The following ADK variants were observed in gnomAD, a reference collection of about 807,000 sequenced individuals.
ADK encodes the protein adenosine kinase, also known as N6,N6-dimethyladenosine kinase.
In ADK, 24 loss-of-function variants were observed where a neutral mutation model predicts 44.7. That is an observed-to-expected ratio of 0.54 (90% CI 0.39 to 0.76). ADK has a LOEUF of 0.76. Among genes scored for constraint, ADK ranks in the 30% least tolerant of loss-of-function variants. ADK has a pLI of 0.00. For synonymous variants in ADK, 128 were observed against 142.6 expected (o/e 0.90, Z 0.73); for missense variants, 321 against 425.1 (o/e 0.76, Z 2.15).
intron 6 of ADK, among the ~76,000 whole-genome samples, chr10:74,497,099 G>A (rs574423113): frequency 4.6e-5 from 7 of 152,016 alleles, no homozygotes; most frequent in Admixed American, 3.3e-4. Context: ...AGGGACTACG[G>A]GCGCCACCTT....
chr10:74,364,687 GGTGTGT>G (rs58295310), intron 4 of ADK, among the ~76,000 whole-genome samples: 4,454 of 136,364 alleles, frequency 0.033, 137 homozygotes, highest in African/African-American at 0.079. Flanking sequence ...CAAAGGCTAT[GGTGTGT>G]GTGTGTGTGT....
At chr10:74,356,599 GA>G (rs1842155244) in intron 4 of ADK, among the ~76,000 whole-genome samples, 1 of 152,070 alleles carries the variant, frequency 6.6e-6, no homozygotes, top group South Asian at 2.1e-4. Flanking sequence ...TTTGTACCAA[GA>G]GAATAAAAAA....
intron 3 of ADK, among the ~76,000 whole-genome samples, chr10:74,298,475 C>T (rs1025385435): frequency 6.6e-6 from 1 of 152,026 alleles, no homozygotes. Context: ...ACATTAGGCT[C>T]GTTGCAGTGG....
rs139713167 is a variant in ADK, at chr10:74,330,726, C to T, written c.273+15981C>T. On this transcript the variant is annotated intron_variant, in intron 4 of 10. Transcript: ENST00000539909. ...AGGAACATAAGCCTTCCAGCGGCAACCAGCACCAATATGTTGGCCTTGTGA... is the reference window on the plus strand; with the variant it reads ...AGGAACATAAGCCTTCCAGCGGCAATCAGCACCAATATGTTGGCCTTGTGA... Among the ~76,000 whole-genome samples the T allele has an allele frequency of 3.0e-3, 450 of 152,260 alleles. 1 individual carries two copies. Among genetic ancestry groups the T allele is most frequent in the African/African-American group, 0.01 (431 of 41,560 alleles).
chr10:74,200,050 G>C (rs1236594379), intron 1 of ADK, among the ~76,000 whole-genome samples: 1 of 150,500 alleles, frequency 6.6e-6, no homozygotes, highest in South Asian at 2.1e-4. Context: ...TATATTTTAA[G>C]TTTTTTGAGA....
intron 7 of ADK, among the ~76,000 whole-genome samples, chr10:74,584,526 C>CCTCTAAAT (rs1245187155): frequency 6.6e-6 from 1 of 152,108 alleles, no homozygotes; most frequent in African/African-American, 2.4e-5. Context: ...GAATATTATA[C>CCTCTAAAT]CTCTAAATTT....
chr10:74,280,415 AACACACACACACACAC>A (rs71021599), intron 3 of ADK, among the ~76,000 whole-genome samples: 2 of 144,342 alleles, frequency 1.4e-5, no homozygotes, highest in African/African-American at 2.6e-5. Context: ...AACAAGTTTA[AACACACACACACACAC>A]ACACACACAC....
At chr10:74,708,154 A>G (rs1166471652) in intron 10 of ADK, among the ~76,000 whole-genome samples, 167 bp from the exon 11 acceptor site, 8 of 6,572 alleles carry the variant, frequency 1.2e-3, no homozygotes, top group Non-Finnish European at 1.6e-3. Flanking sequence ...CATCTCGGGG[A>G]AAAAAAAAAA....
chr10:74,306,822 G>A (rs1341994842), intron 3 of ADK, among the ~76,000 whole-genome samples: 1 of 152,174 alleles, frequency 6.6e-6, no homozygotes, highest in Non-Finnish European at 1.5e-5. Flanking sequence ...CAGTCCACCA[G>A]AATGAGGGTA....
chr10:74,395,125 A>G (rs1843462888), intron 5 of ADK, among the ~76,000 whole-genome samples: 1 of 152,110 alleles, frequency 6.6e-6, no homozygotes. Context: ...CTCTTTTTAA[A>G]TAGTGATTCA....
chr10:74,452,205 T>C (rs908276575), intron 6 of ADK, among the ~76,000 whole-genome samples: 10 of 152,074 alleles, frequency 6.6e-5, no homozygotes, highest in African/African-American at 2.4e-4. Flanking sequence ...ATTTTGAATT[T>C]TCAGAGTAGC....
At chr10:74,589,054 C>T (rs1489956817) in intron 7 of ADK, among the ~76,000 whole-genome samples, 1 of 152,150 alleles carries the variant, frequency 6.6e-6, no homozygotes, top group Non-Finnish European at 1.5e-5. Flanking sequence ...TGTACTACAT[C>T]TTCTTTATTC....
intron 6 of ADK, among the ~76,000 whole-genome samples, chr10:74,487,542 C>G (rs1457497894): frequency 6.7e-6 from 1 of 150,212 alleles, no homozygotes; most frequent in Non-Finnish European, 1.5e-5. Flanking sequence ...TTTTTTTAAC[C>G]CATCTTATTT....
intron 3 of ADK, among the ~76,000 whole-genome samples, chr10:74,253,896 AGCTGAGACTACAGGCACGCACCATCAT>A (rs960968639): frequency 6.0e-5 from 9 of 151,132 alleles, no homozygotes; most frequent in Non-Finnish European, 1.3e-4. Flanking sequence ...CCTCCTGAGC[AGCTGAGACTACAGGCACGCACCATCAT>A]GCCTAACAAA....
chr10:74,300,254 C>CTT (rs398114519), intron 3 of ADK, among the ~76,000 whole-genome samples: 2 of 131,764 alleles, frequency 1.5e-5, no homozygotes, highest in Admixed American at 1.5e-4. Context: ...CTCTCTCTCT[C>CTT]CTTGTTTCCT....
At chr10:74,166,681 C>T (rs1209074300) in intron 1 of ADK, among the ~76,000 whole-genome samples, 8 of 112,908 alleles carry the variant, frequency 7.1e-5, no homozygotes, top group African/African-American at 2.1e-4. Flanking sequence ...AGTGAGACTC[C>T]GTCTCAAAAA....
At chr10:74,181,202 T>C (rs1156552385) in intron 1 of ADK, among the ~76,000 whole-genome samples, 1 of 152,124 alleles carries the variant, frequency 6.6e-6, no homozygotes, top group African/African-American at 2.4e-5. Context: ...CTTTCTAGTA[T>C]AGCATTCAAC....
chr10:74,492,462 G>A (rs1847523910), intron 6 of ADK, among the ~76,000 whole-genome samples: 4 of 151,968 alleles, frequency 2.6e-5, no homozygotes, highest in Admixed American at 2.6e-4. Flanking sequence ...AAAGAAAAGA[G>A]ACAGAAGAAG....
Position 74,161,732 on chromosome 10 carries a change from G to A in ADK, c.65+10389G>A, listed in dbSNP as rs10824088. Among the ~76,000 whole-genome samples the A allele has an allele frequency of 8.6e-3, 1,306 of 151,380 alleles. 21 individuals are homozygous for A. The highest frequency in any genetic ancestry group is 0.03 in the African/African-American group (1,223 of 41,250). On this transcript the variant is annotated intron_variant, in intron 1 of 10. Coordinates refer to ENST00000539909, the MANE Select transcript of ADK (RefSeq NM_006721.4). Reference sequence around the variant, plus strand: ...TTTTTGTTTTTTTTGAGATGAGGGGGTCTTGCTGTGTTGCCTAGGCTGGAG... The same window carrying A: ...TTTTTGTTTTTTTTGAGATGAGGGGATCTTGCTGTGTTGCCTAGGCTGGAG...
Sources: allele counts gnomAD v4.1 joint callset (sites outside exome capture counted in the v4.1 genomes callset), GRCh38; gene constraint gnomAD v4.1.1; transcripts MANE v1.5; gene names NCBI Gene and HGNC (gene_info 2026-07-23, HGNC 2026-07-21).